HHAT: variants seen among roughly 807,000 people sequenced by gnomAD.
HHAT encodes the protein hedgehog acyltransferase, also known as protein-cysteine N-palmitoyltransferase HHAT.
Under a neutral mutation model 70.8 loss-of-function variants are expected in HHAT, and 47 were observed. The observed-to-expected ratio is 0.66, with a 90% CI of 0.53 to 0.85. The LOEUF is 0.85. Among genes scored for constraint, HHAT ranks in the 40% least tolerant of loss-of-function variants. HHAT has a pLI of 0.00. For synonymous variants in HHAT, 228 were observed against 247.6 expected, an observed-to-expected ratio of 0.92 and a Z score of 0.74; for missense variants, 609 against 604.8, an observed-to-expected ratio of 1.01 and a Z score of -0.07.
At chr1:210,614,247 G>A (rs77640227) in intron 10 of HHAT, among the ~76,000 whole-genome samples, 9,500 of 151,832 alleles carry the variant, frequency 0.063, 1,012 homozygotes, top group African/African-American at 0.22. Flanking sequence ...ATACACAACT[G>A]TTTTTTTGCA....
chr1:210,480,518 G>A (rs2094378579), intron 8 of HHAT, among the ~76,000 whole-genome samples: 1 of 152,138 alleles, frequency 6.6e-6, no homozygotes, highest in African/African-American at 2.4e-5. Flanking sequence ...CAACTCTATG[G>A]AGCTTATTCC....
At chr1:210,584,157 G>T (rs1286342499) in intron 9 of HHAT, among the ~76,000 whole-genome samples, 1 of 151,762 alleles carries the variant, frequency 6.6e-6, no homozygotes, top group Non-Finnish European at 1.5e-5. Flanking sequence ...GGCCAGGCTG[G>T]TCTCGAACTC....
At chr1:210,626,342 C>T (rs770860935) in intron 11 of HHAT, among the ~76,000 whole-genome samples, 21 of 152,164 alleles carry the variant, frequency 1.4e-4, no homozygotes, top group Non-Finnish European at 2.5e-4. Flanking sequence ...ACTGAACGCA[C>T]TATTTGTGTC....
intron 9 of HHAT, among the ~76,000 whole-genome samples, chr1:210,584,455 C>A (rs1659983553): frequency 6.6e-6 from 1 of 152,114 alleles, no homozygotes; most frequent in African/African-American, 2.4e-5. Flanking sequence ...TCATGATGGG[C>A]CAGCAGTTAC....
intron 9 of HHAT, among the ~76,000 whole-genome samples, chr1:210,542,067 T>C (rs1052214361): frequency 2.6e-5 from 4 of 152,210 alleles, no homozygotes; most frequent in African/African-American, 9.6e-5. Flanking sequence ...TCCCTTGATG[T>C]CCCTTTGGCT....
At chr1:210,484,527 C>G (rs1222930503) in intron 8 of HHAT, among the ~76,000 whole-genome samples, 1 of 150,736 alleles carries the variant, frequency 6.6e-6, no homozygotes, top group Non-Finnish European at 1.5e-5. Context: ...AGCTAATAAG[C>G]AATATATGGA....
chr1:210,394,594 T>C (rs1430747100), intron 4 of HHAT, among the ~76,000 whole-genome samples: 1 of 152,118 alleles, frequency 6.6e-6, no homozygotes, highest in Admixed American at 6.5e-5. Context: ...GGGTGGGTGC[T>C]GTTGCTAACC....
At chr1:210,558,923 G>C (rs1451043081) in intron 9 of HHAT, among the ~76,000 whole-genome samples, 1 of 152,190 alleles carries the variant, frequency 6.6e-6, no homozygotes, top group African/African-American at 2.4e-5. Flanking sequence ...GTCCTGTCTG[G>C]AGTAGTGAGG....
chr1:210,551,634 G>T (rs1321325571), intron 9 of HHAT, among the ~76,000 whole-genome samples: 2 of 152,112 alleles, frequency 1.3e-5, no homozygotes, highest in African/African-American at 4.8e-5. Context: ...GAAATTTATT[G>T]GAACGGTTCT....
chr1:210,504,902 C>CTTTT (rs71571952), intron 8 of HHAT, among the ~76,000 whole-genome samples: 17 of 124,502 alleles, frequency 1.4e-4, no homozygotes, highest in Admixed American at 3.6e-4. Context: ...GCTTTTTATT[C>CTTTT]TTTTTTTTTT....
chr1:210,574,204 T>C (rs1657084961), intron 9 of HHAT, among the ~76,000 whole-genome samples: 1 of 152,154 alleles, frequency 6.6e-6, no homozygotes, highest in Non-Finnish European at 1.5e-5. Flanking sequence ...AGGGTGAGAT[T>C]GGCTGGGGAA....
At chr1:210,566,863 C>T (rs1654876593) in intron 9 of HHAT, among the ~76,000 whole-genome samples, 2 of 152,216 alleles carry the variant, frequency 1.3e-5, no homozygotes, top group African/African-American at 2.4e-5. Flanking sequence ...ACACTGGCCC[C>T]CTGCCCTTGC....
chr1:210,621,791 A>G (rs115106580), intron 10 of HHAT, among the ~76,000 whole-genome samples: 2,412 of 152,292 alleles, frequency 0.016, 34 homozygotes, highest in Middle Eastern at 0.034. Flanking sequence ...GAGACACCCT[A>G]CATCACTGGA....
chr1:210,354,948 C>T (rs1294568132), intron 2 of HHAT, among the ~76,000 whole-genome samples: 1 of 152,014 alleles, frequency 6.6e-6, no homozygotes, highest in African/African-American at 2.4e-5. Context: ...TATAATGTGT[C>T]TTTCTATCCA....
chr1:210,509,308 G>A (rs190727118), intron 8 of HHAT, among the ~76,000 whole-genome samples: 461 of 152,250 alleles, frequency 3.0e-3, no homozygotes, highest in African/African-American at 0.011. Flanking sequence ...GTGTCTCATT[G>A]GTGCTCAAAA....
intron 8 of HHAT, among the ~76,000 whole-genome samples, chr1:210,477,644 G>A (rs1252427705): frequency 6.6e-6 from 1 of 152,146 alleles, no homozygotes; most frequent in East Asian, 1.9e-4. Context: ...TCCATTTCTG[G>A]GAAACTTGCT....
At position 210,666,752 on chromosome 1, in the gene HHAT, G is replaced by A. The variant is rs550636842; in HGVS notation, c.1391-7536G>A. Among the ~76,000 whole-genome samples, 527 of 152,122 alleles carry A rather than the reference G, an allele frequency of 3.5e-3. 1 individual carries two copies. Among genetic ancestry groups the A allele is most frequent in the African/African-American group, 0.012 (501 of 41,534 alleles). The stretch of plus-strand genomic sequence containing the variant: ...GACCGCCTCAGCCTCCCAAAGTGCT[G>A]GGATTATAGGCATGAGCCACCATGC... On this transcript the variant is annotated intron_variant, in intron 11 of 11. Transcript: ENST00000261458.
intron 9 of HHAT, among the ~76,000 whole-genome samples, chr1:210,586,557 A>G (rs1404174269): frequency 2.6e-5 from 4 of 152,258 alleles, no homozygotes; most frequent in Non-Finnish European, 5.9e-5. Flanking sequence ...ATATATAAAC[A>G]GGACAAATGC....
At chr1:210,504,098 GAAAATATTTGCAAATTAC>G (rs937843073) in intron 8 of HHAT, among the ~76,000 whole-genome samples, 6 of 152,176 alleles carry the variant, frequency 3.9e-5, no homozygotes, top group African/African-American at 1.2e-4. Context: ...TAGGTTGAGA[GAAAATATTTGCAAATTAC>G]ACATCCAATA....
Sources: gnomAD v4.1 joint callset for allele counts (sites outside exome capture counted in the v4.1 genomes callset) on GRCh38, gnomAD v4.1.1 for gene constraint, MANE v1.5 for transcripts, NCBI Gene and HGNC (gene_info 2026-07-23, HGNC 2026-07-21) for gene names.